Variants in DNAJB8 observed in about 807,000 individuals in gnomAD.
DNAJB8 encodes the protein dnaJ homolog subfamily B member 8.
For missense variants in DNAJB8, 354 were observed against 318.9 expected, an observed-to-expected ratio of 1.11 and a Z score of -0.84; for synonymous variants, 127 against 127.1, an observed-to-expected ratio of 1.00 and a Z score of 0.00.
In DNAJB8 at chr3:128,463,267, G is replaced by C. The variant is rs560656751; in HGVS notation, c.-22C>G. The stretch of plus-strand genomic sequence containing the variant: ...CCATGGCCAGGGGTGTGGGTGAGAG[G>C]AGAGGGAACGTGGAGGCCAGGTGGG... On this transcript the variant is annotated 5_prime_UTR_variant, in exon 3 of 3. Transcript: ENST00000319153. The C allele has an allele frequency of 6.3e-7, 1 of 1,589,586 alleles. No individual in the cohort carries two copies. The highest frequency in any genetic ancestry group is 1.1e-5 in the South Asian group (1 of 87,322).
chr3:128,466,010 A>ACAGG, intron 1 of DNAJB8: 1 of 152,300 alleles, frequency 6.6e-6, no homozygotes, highest in Admixed American at 6.5e-5. Context: ...ACTGGTGCCT[A>ACAGG]CAGGCAGCTG....
In DNAJB8 at chr3:128,462,655, C is replaced by T. The variant is rs755301106; in HGVS notation, c.591G>A (p.Lys197=). The T allele has an allele frequency of 1.2e-6, 2 of 1,614,036 alleles. No individual in the cohort carries two copies. The highest frequency in any genetic ancestry group is 1.3e-5 in the African/African-American group (1 of 75,002). The change falls in exon 3 of 3, where the codon AAG becomes AAA. Residue 197 remains lysine (K), a synonymous_variant. Coordinates refer to ENST00000319153, the MANE Select transcript of DNAJB8 (RefSeq NM_153330.6). ...EMINGHKVTT[K]RIVENGQERV... The stretch of plus-strand genomic sequence containing the variant: ...GCTCCTGCCCGTTCTCCACGATGCG[C>T]TTGGTGGTGACCTTGTGGCCATTGA...
At chr3:128,465,935 A>G (rs2068509744) in intron 1 of DNAJB8, 1 of 152,124 alleles carries the variant, frequency 6.6e-6, no homozygotes, top group Non-Finnish European at 1.5e-5. Context: ...GTTCGGCTAT[A>G]CCACAGTGAC....
At chr3:128,464,755 G>GCCTTCTTTCCTTCCTCCCTT (rs2068498803) in intron 2 of DNAJB8, among the ~76,000 whole-genome samples, 1 of 150,758 alleles carries the variant, frequency 6.6e-6, no homozygotes, top group Admixed American at 6.6e-5. Flanking sequence ...CTTCCTGCCT[G>GCCTTCTTTCCTTCCTCCCTT]CCTTCTTTCC....
chr3:128,463,343 G>A lies in DNAJB8; in HGVS notation c.-98C>T. 6 of 1,142,256 alleles carry A rather than the reference G, an allele frequency of 5.3e-6. No individual in the cohort carries two copies. The highest frequency in any genetic ancestry group is 6.3e-6 in the Non-Finnish European group (5 of 798,032). 70.8% of individuals were successfully genotyped at this position (1,142,256 alleles called of 1,614,324 possible). On this transcript the variant is annotated 5_prime_UTR_variant, in exon 3 of 3. Transcript: ENST00000319153. ...ACGGGGGAGAAGTGGCCGGTGGTCTGGGGCCCTTCAGCAGGGGCCTGGCTG... is the reference window on the plus strand; with the variant it reads ...ACGGGGGAGAAGTGGCCGGTGGTCTAGGGCCCTTCAGCAGGGGCCTGGCTG...
chr3:128,463,338 G>T lies in DNAJB8; in HGVS notation c.-93C>A. 2 of 1,192,762 alleles carry T rather than the reference G, an allele frequency of 1.7e-6. No homozygotes were observed. Among genetic ancestry groups the T allele is most frequent in the South Asian group, 1.5e-5 (1 of 67,442 alleles). 73.9% of individuals were successfully genotyped at this position (1,192,762 alleles called of 1,614,324 possible). A position where few individuals can be genotyped will look rare whatever the true frequency, so the allele number is the denominator to read the frequency against. On this transcript the variant is annotated 5_prime_UTR_variant, in exon 3 of 3. Coordinates refer to ENST00000319153, the MANE Select transcript of DNAJB8 (RefSeq NM_153330.6). ...GATGGACGGGGGAGAAGTGGCCGGT[G>T]GTCTGGGGCCCTTCAGCAGGGGCCT...
In DNAJB8 at chr3:128,462,819, C is replaced by G; in HGVS notation, c.427G>C (p.Ala143Pro). The change falls in exon 3 of 3, where the codon GCC (alanine) becomes CCC (proline). Residue 143 changes from alanine to proline, a missense_variant. By Grantham distance (27) the Ala-to-Pro change is conservative. Coordinates refer to ENST00000319153, the MANE Select transcript of DNAJB8 (RefSeq NM_153330.6). The stretch of plus-strand genomic sequence containing the variant: ...AAGGATGAGAAGGCCTCCATGAAGG[C>G]CGGAAATTCTCCAAAGCCTGCCGAG... ...AFSAGFGEFP[A>P]FMEAFSSFNM... The G allele has an allele frequency of 6.2e-7, 1 of 1,614,172 alleles. No homozygotes were observed. The highest frequency in any genetic ancestry group is 8.5e-7 in the Non-Finnish European group (1 of 1,180,038).
At position 128,462,637 on chromosome 3, in the gene DNAJB8, C is replaced by T; in HGVS notation, c.609G>A (p.Gly203=). The part of the protein sequence containing the change: ...KVTTKRIVEN[G]QERVEVEEDG... ...CTTCCTCCACCTCCACGCGCTCCTG[C>T]CCGTTCTCCACGATGCGCTTGGTGG... The change falls in exon 3 of 3, where the codon GGG becomes GGA. Residue 203 remains glycine (G), a synonymous_variant. Coordinates refer to ENST00000319153, the MANE Select transcript of DNAJB8 (RefSeq NM_153330.6). The T allele has an allele frequency of 1.9e-6, 3 of 1,613,974 alleles. No homozygotes were observed. Among genetic ancestry groups the T allele is most frequent in the South Asian group, 2.2e-5 (2 of 91,074 alleles).
chr3:128,463,523 T>C lies in DNAJB8; in HGVS notation c.-278A>G. 1 of 327,354 alleles carries C rather than the reference T, an allele frequency of 3.1e-6. No individual in the cohort carries two copies. Among genetic ancestry groups the C allele is most frequent in the Non-Finnish European group, 5.9e-6 (1 of 170,326 alleles). The allele number at this position is 327,354 out of a possible 1,614,324, so 20.3% of individuals were successfully genotyped here. A position where few individuals can be genotyped will look rare whatever the true frequency, so the allele number is the denominator to read the frequency against. On this transcript the variant is annotated 5_prime_UTR_variant, in exon 3 of 3. Transcript: ENST00000319153. Reference sequence around the variant, plus strand: ...GCCAGAGTGGGCTGCCCTCCAGAGCTCCTTTTATGACGTCAGCTCCCGGGG... The same window carrying C: ...GCCAGAGTGGGCTGCCCTCCAGAGCCCCTTTTATGACGTCAGCTCCCGGGG...
chr3:128,462,940 C>G lies in DNAJB8; in HGVS notation c.306G>C (p.Glu102Asp). The G allele has an allele frequency of 6.2e-7, 1 of 1,614,134 alleles. No individual in the cohort carries two copies. Among genetic ancestry groups the G allele is most frequent in the Non-Finnish European group, 8.5e-7 (1 of 1,179,978 alleles). The change falls in exon 3 of 3, where the codon GAG becomes GAC. Residue 102 changes from glutamate to aspartate, a missense_variant. Coordinates refer to ENST00000319153, the MANE Select transcript of DNAJB8 (RefSeq NM_153330.6). ...TFRNPEDIFR[E>D]FFGGLDPFSF... ...AGAAAGGGTCCAGGCCACCAAAAAA[C>G]TCCCGGAAGATGTCCTCAGGGTTAC...
rs746255807 is a variant in DNAJB8, at chr3:128,463,181, G to T, written c.65C>A (p.Ala22Asp). ...ASASPEDIKKAYRKLALRWHP... is the reference protein window; with the variant it reads ...ASASPEDIKKDYRKLALRWHP... Reference sequence around the variant, plus strand: ...CCAACGAAGGGCCAGCTTGCGGTAGGCTTTCTTGATGTCCTCCGGGGAAGC... The same window carrying T: ...CCAACGAAGGGCCAGCTTGCGGTAGTCTTTCTTGATGTCCTCCGGGGAAGC... Residue 22 changes from alanine (A) to aspartate (D), a missense_variant, in exon 3 of 3, where the codon GCC (alanine) becomes GAC (aspartate). Coordinates refer to ENST00000319153, the MANE Select transcript of DNAJB8 (RefSeq NM_153330.6). 4 of 1,614,172 alleles carry T rather than the reference G, an allele frequency of 2.5e-6. No individual in the cohort carries two copies. The highest frequency in any genetic ancestry group is 1.7e-6 in the Non-Finnish European group (2 of 1,180,024).
rs753974991 is a variant in DNAJB8, at chr3:128,462,868, C to T, written c.378G>A (p.Arg126=). The T allele has an allele frequency of 6.2e-6, 10 of 1,614,076 alleles. No homozygotes were observed. In the South Asian group the frequency reaches 9.9e-5, roughly 16 times the overall value. ...AGAAGGCCCCCCTCAGGCCATGGCC[C>T]CGGCCACCACGGTCACTATTGAATG... ...DSPFNSDRGG[R]GHGLRGAFSA... Residue 126 remains arginine (R), a synonymous_variant, in exon 3 of 3, where the codon CGG becomes CGA. Coordinates refer to ENST00000319153, the MANE Select transcript of DNAJB8 (RefSeq NM_153330.6).
In DNAJB8 at chr3:128,462,945, G is replaced by A. The variant is rs569985047; in HGVS notation, c.301C>T (p.Arg101Trp). Residue 101 changes from arginine to tryptophan, a missense_variant, in exon 3 of 3, where the codon CGG becomes TGG. Transcript: ENST00000319153. ...GGGTCCAGGCCACCAAAAAACTCCCGGAAGATGTCCTCAGGGTTACGGAAG... is the reference window on the plus strand; with the variant it reads ...GGGTCCAGGCCACCAAAAAACTCCCAGAAGATGTCCTCAGGGTTACGGAAG... Reference protein sequence around the residue: ...YTFRNPEDIFREFFGGLDPFS... With the variant: ...YTFRNPEDIFWEFFGGLDPFS... The A allele has an allele frequency of 2.4e-5, 38 of 1,614,086 alleles. No homozygotes were observed. The highest frequency in any genetic ancestry group is 1.6e-4 in the Middle Eastern group (1 of 6,062).
rs573124639 is a variant in DNAJB8 at position 128,463,485 on chromosome 3, G to A, written c.-240C>T. ...GTGGGGGGAGGGGAGGGACACTGCCGCTGTGGGGCCAGGCCAGAGTGGGCT... is the reference window on the plus strand; with the variant it reads ...GTGGGGGGAGGGGAGGGACACTGCCACTGTGGGGCCAGGCCAGAGTGGGCT... On this transcript the variant is annotated 5_prime_UTR_variant, in exon 3 of 3. Coordinates refer to ENST00000319153, the MANE Select transcript of DNAJB8 (RefSeq NM_153330.6). The A allele has an allele frequency of 6.8e-5, 30 of 439,386 alleles. No homozygotes were observed. The highest frequency in any genetic ancestry group is 5.8e-4 in the Admixed American group (15 of 25,648). 27.2% of individuals were successfully genotyped at this position (439,386 alleles called of 1,614,324 possible). A position where few individuals can be genotyped will look rare whatever the true frequency, so the allele number is the denominator to read the frequency against.
Position 128,462,839 on chromosome 3 carries a change from G to A in DNAJB8, c.407C>T (p.Ala136Val). 15 of 1,614,168 alleles carry A rather than the reference G, an allele frequency of 9.3e-6. No homozygotes were observed. The highest frequency in any genetic ancestry group is 1.3e-5 in the Non-Finnish European group (15 of 1,180,036). The change falls in exon 3 of 3, where the codon GCA becomes GTA. Residue 136 changes from alanine (A) to valine (V), a missense_variant. Ala to Val is a moderately conservative substitution (Grantham distance 64). Coordinates refer to ENST00000319153, the MANE Select transcript of DNAJB8 (RefSeq NM_153330.6). The stretch of plus-strand genomic sequence containing the variant: ...GAAGGCCGGAAATTCTCCAAAGCCT[G>A]CCGAGAAGGCCCCCCTCAGGCCATG... The part of the protein sequence containing the change: ...RGHGLRGAFS[A>V]GFGEFPAFME...
At position 128,463,376 on chromosome 3, in the gene DNAJB8, C is replaced by T. The variant is rs926837611; in HGVS notation, c.-131G>A. ...TCAGCAGGGGCCTGGCTGGACTCCGCAAGCTCTAGGCAAGATTCTGCCCAG... is the reference window on the plus strand; with the variant it reads ...TCAGCAGGGGCCTGGCTGGACTCCGTAAGCTCTAGGCAAGATTCTGCCCAG... On this transcript the variant is annotated 5_prime_UTR_variant, in exon 3 of 3. Coordinates refer to ENST00000319153, the MANE Select transcript of DNAJB8 (RefSeq NM_153330.6). The T allele has an allele frequency of 6.1e-5, 46 of 756,862 alleles. No homozygotes were observed. The African/African-American group carries it at 6.7e-4, about 11-fold the overall frequency. 46.9% of individuals were successfully genotyped at this position (756,862 alleles called of 1,614,324 possible).
chr3:128,466,030 C>T (rs2068510346), intron 1 of DNAJB8: 1 of 152,228 alleles, frequency 6.6e-6, no homozygotes, highest in Non-Finnish European at 1.5e-5. Context: ...GCCAGGGCCC[C>T]ACCTCCCATA....
At position 128,462,966 on chromosome 3, in the gene DNAJB8, G is replaced by T. The variant is rs367931490; in HGVS notation, c.280C>A (p.Arg94Ser). 6.2e-7 allele frequency: 1 copy of T among 1,614,030 alleles called. No individual in the cohort carries two copies. The highest frequency in any genetic ancestry group is 8.5e-7 in the Non-Finnish European group (1 of 1,179,990). Residue 94 changes from arginine to serine, a missense_variant, in exon 3 of 3, where the codon CGT becomes AGT. Physicochemically the swap from Arg to Ser is moderately radical, Grantham distance 110. Coordinates refer to ENST00000319153, the MANE Select transcript of DNAJB8 (RefSeq NM_153330.6). ...TCCCGGAAGATGTCCTCAGGGTTAC[G>T]GAAGGTGTAGCCGGTGTCGAAGGGG... ...HSPFDTGYTF[R>S]NPEDIFREFF...
rs990345864 is a variant in DNAJB8 at position 128,466,738 on chromosome 3, T to G, written c.-1151A>C. ...TTGGAGAGTGGAAAAGAGAGGCCGT[T>G]GCAGGCAGGTGACAATGGTGAGCTT... On this transcript the variant is annotated 5_prime_UTR_variant, in exon 1 of 3. Transcript: ENST00000319153. The G allele has an allele frequency of 6.6e-6, 1 of 152,176 alleles. No homozygotes were observed. Among genetic ancestry groups the G allele is most frequent in the Non-Finnish European group, 1.5e-5 (1 of 68,036 alleles). The allele number at this position is 152,176 out of a possible 1,614,324, so 9.4% of individuals were successfully genotyped here.
Sources: allele counts gnomAD v4.1 joint callset (sites outside exome capture counted in the v4.1 genomes callset), GRCh38; gene constraint gnomAD v4.1.1; transcripts MANE v1.5; gene names NCBI Gene and HGNC (gene_info 2026-07-23, HGNC 2026-07-21).